TAB2: variants seen among roughly 807,000 people sequenced by gnomAD.
The protein encoded by TAB2 is TGF-beta-activated kinase 1 and MAP3K7-binding protein 2.
In TAB2, 3 loss-of-function variants were observed where a neutral mutation model predicts 65.0. That is an observed-to-expected ratio of 0.05 (90% CI 0.02 to 0.12). The LOEUF (loss-of-function observed/expected upper bound fraction) is 0.12. Among genes scored for constraint, TAB2 ranks in the 10% least tolerant of loss-of-function variants. The probability of loss-of-function intolerance (pLI) is 1.00; values close to 1 mark genes in which losing one functional copy is unlikely to be tolerated. For synonymous variants in TAB2, 298 were observed against 285.1 expected, an observed-to-expected ratio of 1.05 and a Z score of -0.46; for missense variants, 623 against 840.3, an observed-to-expected ratio of 0.74 and a Z score of 3.20.
At chr6:149,409,370 CA>C (rs1782767516) in intron 6 of TAB2, among the ~76,000 whole-genome samples, 1 of 151,942 alleles carries the variant, frequency 6.6e-6, no homozygotes. Context: ...GTGATTACAT[CA>C]TGTTCATGTT....
intron 6 of TAB2, among the ~76,000 whole-genome samples, chr6:149,403,313 T>TACACATCTATATATATAC (rs1782537929): frequency 1.5e-5 from 1 of 66,870 alleles, no homozygotes; most frequent in African/African-American, 6.5e-5. Flanking sequence ...TATATATATA[T>TACACATCTATATATATAC]ACACACACAT....
intron 1 of TAB2, among the ~76,000 whole-genome samples, chr6:149,363,906 C>T (rs1019138403): frequency 4.0e-4 from 61 of 152,254 alleles, no homozygotes; most frequent in African/African-American, 1.4e-3. Flanking sequence ...TGTTTGTGCT[C>T]TTTGATTTTT....
intron 3 of TAB2, among the ~76,000 whole-genome samples, chr6:149,392,088 T>A (rs972267288): frequency 6.6e-6 from 1 of 151,336 alleles, no homozygotes; most frequent in Non-Finnish European, 1.5e-5. Context: ...AGTTTTTTTC[T>A]TTGTTTATGC....
upstream of TAB2, among the ~76,000 whole-genome samples, chr6:149,316,998 C>G (rs1779270680): frequency 2.0e-5 from 3 of 151,078 alleles, no homozygotes; most frequent in Non-Finnish European, 1.5e-5. Flanking sequence ...CAGCCTCCGC[C>G]GCGGGCCCAC....
At chr6:149,271,604 C>T (rs534200414) in intron 1 of TAB2, among the ~76,000 whole-genome samples, 32 of 152,300 alleles carry the variant, frequency 2.1e-4, no homozygotes, top group Non-Finnish European at 4.4e-5. Context: ...ATCCTTTTGG[C>T]CACATATTAG....
At chr6:149,315,262 G>C (rs936641112), upstream of TAB2, among the ~76,000 whole-genome samples, 1 of 152,032 alleles carries the variant, frequency 6.6e-6, no homozygotes, top group Non-Finnish European at 1.5e-5. Context: ...TTGCAAGAAC[G>C]GTACAAAAAC....
intron 1 of TAB2, chr6:149,347,192 A>T (rs1780334394): frequency 6.6e-6 from 1 of 152,200 alleles, no homozygotes; most frequent in African/African-American, 2.4e-5. Flanking sequence ...CCTACCACAA[A>T]ACCACAGTAC....
At chr6:149,264,874 T>C (rs1041448107) in intron 1 of TAB2, among the ~76,000 whole-genome samples, 9 of 152,186 alleles carry the variant, frequency 5.9e-5, no homozygotes, top group Non-Finnish European at 1.0e-4. Context: ...AGAACTGTAG[T>C]GGCTAATGAG....
At chr6:149,229,397 T>C (rs1777354614) in intron 1 of TAB2, among the ~76,000 whole-genome samples, 1 of 146,082 alleles carries the variant, frequency 6.8e-6, no homozygotes, top group South Asian at 2.1e-4. Context: ...TAAAGACGTG[T>C]GTGTGTGTGT....
intron 1 of TAB2, among the ~76,000 whole-genome samples, chr6:149,260,846 C>T (rs769053651): frequency 2.2e-4 from 33 of 152,266 alleles, no homozygotes; most frequent in Non-Finnish European, 3.8e-4. Context: ...GTATGCTATT[C>T]GGCCTTTAAA....
intron 6 of TAB2, among the ~76,000 whole-genome samples, chr6:149,403,271 TATATATATATATAC>T (rs1782521663): frequency 1.7e-4 from 16 of 95,416 alleles, no homozygotes; most frequent in African/African-American, 8.0e-4. Flanking sequence ...TATATATATA[TATATATATATATAC>T]ACACACACAC....
intron 1 of TAB2, chr6:149,291,226 T>A (rs1343336751): frequency 1.3e-5 from 2 of 152,238 alleles, no homozygotes; most frequent in African/African-American, 4.8e-5. Flanking sequence ...ACATTTATAA[T>A]CCAAGATTGC....
chr6:149,403,937 A>C (rs1234083893), intron 6 of TAB2, among the ~76,000 whole-genome samples: 1 of 152,170 alleles, frequency 6.6e-6, no homozygotes, highest in Non-Finnish European at 1.5e-5. Flanking sequence ...TTACATTTCA[A>C]TATAAGGTTT....
chr6:149,249,937 T>G (rs1469555260), intron 1 of TAB2, among the ~76,000 whole-genome samples: 1 of 152,138 alleles, frequency 6.6e-6, no homozygotes, highest in Non-Finnish European at 1.5e-5. Context: ...AAGCAATCAT[T>G]TCTGCTTGGA....
chr6:149,348,975 T>TAA (rs761346835), intron 1 of TAB2, among the ~76,000 whole-genome samples: 1 of 145,306 alleles, frequency 6.9e-6, no homozygotes, highest in African/African-American at 2.5e-5. Flanking sequence ...CTCAAAAAAT[T>TAA]TAAAAAAAAA....
At chr6:149,298,721 C>CTTTAAG (rs61515726) in intron 1 of TAB2, among the ~76,000 whole-genome samples, 59,906 of 151,722 alleles carry the variant, frequency 0.39, 13,139 homozygotes, top group African/African-American at 0.61. Flanking sequence ...AGTATTTACT[C>CTTTAAG]TTTATTCTAA....
chr6:149,371,544 A>G (rs1002902777), intron 2 of TAB2, among the ~76,000 whole-genome samples: 9 of 152,216 alleles, frequency 5.9e-5, no homozygotes, highest in Non-Finnish European at 1.3e-4. Context: ...GTGATAAACC[A>G]AACTGAGTTC....
At position 149,379,737 on chromosome 6, in the gene TAB2, A is replaced by T. The variant is rs9498341; in HGVS notation, c.1603+219A>T. On this transcript the variant is annotated intron_variant, in intron 3 of 6. Transcript: ENST00000637181. ...TGGAAGTTTGAGTAATTGGGTTATC[A>T]GCTCTTCAGAGTAACCAAATCTGGT... Among the ~76,000 whole-genome samples, 35,679 of 152,006 alleles carry T rather than the reference A, an allele frequency of 0.23. 4,392 individuals carry two copies. The highest frequency in any genetic ancestry group is 0.26 in the Non-Finnish European group (17,516 of 67,956).
In TAB2 at chr6:149,287,321, C is replaced by T. The variant is rs537082122; in HGVS notation, c.-121+68545C>T. 2.0e-4 allele frequency among the ~76,000 whole-genome samples: 31 copies of T among 152,198 alleles called. No homozygotes were observed. In the South Asian group the frequency reaches 6.2e-3, roughly 31 times the overall value. On this transcript the variant is annotated intron_variant, in intron 1 of 1. Coordinates refer to the TAB2 transcript ENST00000606202. ...ACTTTTATAATAGAGAAACAATAAG[C>T]ACTGTTTGAAAAACAAATAGATAAA... is the stretch of plus-strand genomic sequence containing the variant.
Sources: allele counts gnomAD v4.1 joint callset (sites outside exome capture counted in the v4.1 genomes callset), GRCh38; gene constraint gnomAD v4.1.1; transcripts MANE v1.5; gene names NCBI Gene and HGNC (gene_info 2026-07-23, HGNC 2026-07-21).